The following ZNF407 variants were observed in gnomAD, a reference collection of about 807,000 sequenced individuals.
ZNF407 encodes the protein zinc finger protein 407.
ZNF407 carries 17 observed loss-of-function variants against 131.2 expected under a neutral mutation model. The observed-to-expected ratio is 0.13, with a 90% CI of 0.09 to 0.19. The LOEUF (loss-of-function observed/expected upper bound fraction) is 0.19, where lower values mean the gene tolerates loss of function less well. ZNF407 is among the 10% of genes least tolerant of loss of function. The probability of loss-of-function intolerance (pLI) is 1.00; values close to 1 mark genes in which losing one functional copy is unlikely to be tolerated. For synonymous variants in ZNF407, 1,156 were observed against 1,062.0 expected, an observed-to-expected ratio of 1.09 and a Z score of -1.72; for missense variants, 2,681 against 2,830.6, an observed-to-expected ratio of 0.95 and a Z score of 1.20.
intron 3 of ZNF407, among the ~76,000 whole-genome samples, chr18:74,646,962 A>T (rs1381738536): frequency 2.0e-5 from 3 of 152,316 alleles, no homozygotes; most frequent in Non-Finnish European, 4.4e-5. Context: ...TTCCATGGCC[A>T]GTAAGTATGA....
At chr18:74,926,528 G>A (rs1413848951) in intron 8 of ZNF407, among the ~76,000 whole-genome samples, 3 of 152,210 alleles carry the variant, frequency 2.0e-5, no homozygotes, top group Admixed American at 1.3e-4. Context: ...TTACAACCAG[G>A]CGTGGTGGCT....
At chr18:74,803,382 G>T (rs1013008863) in intron 4 of ZNF407, among the ~76,000 whole-genome samples, 4 of 152,164 alleles carry the variant, frequency 2.6e-5, no homozygotes, top group African/African-American at 9.7e-5. Flanking sequence ...TCCTGTCATC[G>T]ATAGGGAGAC....
chr18:74,606,941 A>C (rs974041589), intron 1 of ZNF407, among the ~76,000 whole-genome samples: 23 of 152,194 alleles, frequency 1.5e-4, no homozygotes, highest in African/African-American at 5.5e-4. Context: ...TGGTCTTTTC[A>C]CTTTCAGGCC....
At chr18:74,625,620 A>G (rs1280411218) in intron 1 of ZNF407, among the ~76,000 whole-genome samples, 2 of 152,212 alleles carry the variant, frequency 1.3e-5, no homozygotes, top group Admixed American at 6.5e-5. Context: ...AGATATAGAC[A>G]TATACAAAAG....
At chr18:74,945,427 G>A (rs1035311231) in intron 8 of ZNF407, among the ~76,000 whole-genome samples, 9 of 152,028 alleles carry the variant, frequency 5.9e-5, no homozygotes, top group East Asian at 3.9e-4. Context: ...CAGACAGCTC[G>A]CCCATTTTAT....
chr18:74,598,661 A>G (rs957308065), intron 1 of ZNF407, among the ~76,000 whole-genome samples: 2 of 152,244 alleles, frequency 1.3e-5, no homozygotes, highest in African/African-American at 2.4e-5. Flanking sequence ...GAAGGGTCCT[A>G]GCCATTCCCG....
intron 8 of ZNF407, among the ~76,000 whole-genome samples, chr18:75,007,688 CTT>C (rs991738482): frequency 5.9e-5 from 9 of 152,148 alleles, no homozygotes; most frequent in African/African-American, 2.2e-4. Flanking sequence ...TTCTGATCAA[CTT>C]TGTGTGTCAG....
At chr18:74,861,300 G>A (rs1466994348) in intron 4 of ZNF407, among the ~76,000 whole-genome samples, 1 of 152,226 alleles carries the variant, frequency 6.6e-6, no homozygotes. Flanking sequence ...GGCAAACTGT[G>A]CTTTATCTGA....
chr18:75,028,233 A>G (rs958284677), intron 8 of ZNF407, among the ~76,000 whole-genome samples: 4 of 152,216 alleles, frequency 2.6e-5, no homozygotes, highest in Non-Finnish European at 5.9e-5. Context: ...AACAACAGAC[A>G]TTTATTTTCT....
intron 3 of ZNF407, among the ~76,000 whole-genome samples, chr18:74,775,640 T>C (rs1969453595): frequency 6.6e-6 from 1 of 152,152 alleles, no homozygotes; most frequent in East Asian, 1.9e-4. Context: ...CCTCCAAAAT[T>C]CCCATGTTGA....
chr18:74,769,321 A>G (rs989237767), intron 3 of ZNF407, among the ~76,000 whole-genome samples: 18 of 152,114 alleles, frequency 1.2e-4, no homozygotes, highest in Admixed American at 5.9e-4. Flanking sequence ...TCAGGTTACT[A>G]TCTTACATTA....
At chr18:75,050,687 G>A (rs1483109116) in intron 8 of ZNF407, among the ~76,000 whole-genome samples, 1 of 152,192 alleles carries the variant, frequency 6.6e-6, no homozygotes, top group Non-Finnish European at 1.5e-5. Flanking sequence ...TTATTATAAT[G>A]AACAACGGAT....
chr18:74,759,096 G>A (rs1318239375), intron 3 of ZNF407, among the ~76,000 whole-genome samples: 3 of 151,710 alleles, frequency 2.0e-5, no homozygotes, highest in Non-Finnish European at 2.9e-5. Flanking sequence ...GTTTTCATTT[G>A]TACTGTTTTG....
At chr18:74,848,562 A>G (rs774382102) in intron 4 of ZNF407, among the ~76,000 whole-genome samples, 4 of 152,220 alleles carry the variant, frequency 2.6e-5, no homozygotes, top group Non-Finnish European at 4.4e-5. Context: ...AGAAAATAAA[A>G]TATAACAAAG....
chr18:74,989,396 G>A (rs1449071287), intron 8 of ZNF407, among the ~76,000 whole-genome samples: 2 of 152,192 alleles, frequency 1.3e-5, no homozygotes, highest in African/African-American at 4.8e-5. Context: ...GTATAGATTT[G>A]TCAAAACTCA....
chr18:74,772,178 G>A (rs1329528832), intron 3 of ZNF407, among the ~76,000 whole-genome samples: 2 of 152,162 alleles, frequency 1.3e-5, no homozygotes, highest in Non-Finnish European at 2.9e-5. Context: ...CTTTCAGGGT[G>A]ATCTGATTAT....
chr18:74,792,718 A>G (rs951084933), intron 4 of ZNF407, among the ~76,000 whole-genome samples: 7 of 152,090 alleles, frequency 4.6e-5, no homozygotes, highest in African/African-American at 1.7e-4. Flanking sequence ...TTTATTTTCA[A>G]ACTAATTTCT....
intron 3 of ZNF407, among the ~76,000 whole-genome samples, chr18:74,736,593 G>A (rs1021963980): frequency 1.3e-5 from 2 of 151,954 alleles, no homozygotes; most frequent in Non-Finnish European, 1.5e-5. Flanking sequence ...TCTGTACTGA[G>A]ATTTTTTTAA....
intron 3 of ZNF407, among the ~76,000 whole-genome samples, chr18:74,739,409 C>A (rs1968495819): frequency 6.6e-6 from 1 of 151,890 alleles, no homozygotes; most frequent in Non-Finnish European, 1.5e-5. Flanking sequence ...GAGGCACATG[C>A]TTCTCTTGTC....
Sources: gnomAD v4.1 joint callset for allele counts (sites outside exome capture counted in the v4.1 genomes callset) on GRCh38, gnomAD v4.1.1 for gene constraint, MANE v1.5 for transcripts, NCBI Gene and HGNC (gene_info 2026-07-23, HGNC 2026-07-21) for gene names.